ZZEF1: variants seen among roughly 807,000 people sequenced by gnomAD.
The protein encoded by ZZEF1 is zinc finger ZZ-type and EF-hand domain containing 1, also known as zinc finger ZZ-type and EF-hand domain-containing protein 1.
Under a neutral mutation model 342.8 loss-of-function variants are expected in ZZEF1, and 157 were observed. The ratio of observed to expected loss-of-function variants is 0.46; its 90% confidence interval spans 0.40 to 0.52. The LOEUF (loss-of-function observed/expected upper bound fraction) is 0.52. Among genes scored for constraint, ZZEF1 ranks in the 20% least tolerant of loss-of-function variants. ZZEF1 has a pLI of 0.00. For synonymous variants in ZZEF1, 1,505 were observed against 1,429.1 expected, an observed-to-expected ratio of 1.05 and a Z score of -1.20; for missense variants, 3,480 against 3,725.6, an observed-to-expected ratio of 0.93 and a Z score of 1.72.
At chr17:4,095,216 G>A (rs907035187) in intron 11 of ZZEF1, among the ~76,000 whole-genome samples, 20 of 152,064 alleles carry the variant, frequency 1.3e-4, no homozygotes, top group African/African-American at 4.8e-4. Context: ...TCCAGTGGCC[G>A]ATCAACTCCA....
In ZZEF1 at chr17:4,008,763, G is replaced by A; in HGVS notation, c.8805+120C>T. Reference sequence around the variant, plus strand: ...GTGACTGAACTGGAACAAGCTCTGTGTAAGCTCCGGGTGGATTCTGTCCTA... The same window carrying A: ...GTGACTGAACTGGAACAAGCTCTGTATAAGCTCCGGGTGGATTCTGTCCTA... On this transcript the variant is annotated intron_variant, in intron 54 of 54. Coordinates refer to ENST00000381638, the MANE Select transcript of ZZEF1 (RefSeq NM_015113.4). The surrounding 1 kb of genome is among the most constrained non-coding windows in gnomAD (Gnocchi z 4.2). 1.4e-6 allele frequency: 2 copies of A among 1,457,418 alleles called. No homozygotes were observed. The highest frequency in any genetic ancestry group is 2.8e-5 in the South Asian group (2 of 72,094). 90.3% of individuals were successfully genotyped at this position (1,457,418 alleles called of 1,614,324 possible).
chr17:4,060,606 A>G (rs1240301186), intron 30 of ZZEF1, among the ~76,000 whole-genome samples: 1 of 151,504 alleles, frequency 6.6e-6, no homozygotes, highest in Non-Finnish European at 1.5e-5. Flanking sequence ...AAAAACACTC[A>G]ACCCCCCACC....
chr17:4,083,661 G>A (rs888938117), intron 16 of ZZEF1, among the ~76,000 whole-genome samples: 7 of 146,080 alleles, frequency 4.8e-5, no homozygotes, highest in South Asian at 4.3e-4. Flanking sequence ...TTTTTGAGAC[G>A]GAATCTCGCT....
intron 44 of ZZEF1, 121 bp from the exon 45 acceptor site, chr17:4,021,441 G>A: frequency 7.3e-6 from 5 of 680,354 alleles, no homozygotes; most frequent in Non-Finnish European, 1.1e-5. Context: ...CCTGAAGAAT[G>A]TGAAATTAGA....
chr17:4,051,984 T>C lies in ZZEF1; in HGVS notation c.5587A>G (p.Lys1863Glu), dbSNP rs1187720087. The C allele has an allele frequency of 1.9e-6, 3 of 1,613,960 alleles. No individual in the cohort carries two copies. In the African/African-American group the frequency reaches 4.0e-5, roughly 22 times the overall value. The stretch of plus-strand genomic sequence containing the variant: ...CTTGAGACATACCCGTAGGAGTATT[T>C]CTTCGCTGCATAGCATCCGTAGCAA... Reference protein sequence around the residue: ...DLCYGCYAAKKYSYGHLPTHS... With the variant: ...DLCYGCYAAKEYSYGHLPTHS... Residue 1863 changes from lysine to glutamate, a missense_variant, in exon 35 of 55, where the codon AAA (lysine) becomes GAA (glutamate). Around this residue, in one of 5 missense-constraint regions of ZZEF1, gnomAD observed 175 missense variants for 254.6 expected, o/e 0.69. Transcript: ENST00000381638.
intron 39 of ZZEF1, among the ~76,000 whole-genome samples, chr17:4,037,057 C>T (rs569284569): frequency 1.6e-4 from 25 of 151,988 alleles, no homozygotes; most frequent in Admixed American, 5.2e-4. Context: ...CAGAAGTCAG[C>T]GGGAATGGGT....
At chr17:4,009,171 A>C (rs1201072435) in intron 53 of ZZEF1, 1 of 608,662 alleles carries the variant, frequency 1.6e-6, no homozygotes, top group Non-Finnish European at 2.9e-6. Context: ...CCCTTGGGTG[A>C]CCAGGCCGGG....
At position 4,014,147 on chromosome 17, in the gene ZZEF1, T is replaced by C; in HGVS notation, c.8356A>G (p.Thr2786Ala). The change falls in exon 51 of 55, where the codon ACC becomes GCC. Residue 2786 changes from threonine to alanine, a missense_variant. Thr to Ala is a moderately conservative substitution (Grantham distance 58). Around this residue, in one of 5 missense-constraint regions of ZZEF1, gnomAD observed 1,269 missense variants for 1,342.4 expected, o/e 0.95. Coordinates refer to ENST00000381638, the MANE Select transcript of ZZEF1 (RefSeq NM_015113.4). The surrounding 1 kb of genome is among the most constrained non-coding windows in gnomAD (Gnocchi z 4.4). Reference sequence around the variant, plus strand: ...ACGGTGAATCTGTAGCCCCACTCGGTGTTGCTCATGTCGGAGGTGAAGCGG... The same window carrying C: ...ACGGTGAATCTGTAGCCCCACTCGGCGTTGCTCATGTCGGAGGTGAAGCGG... ...YYRFTSDMSN[T>A]EWGYRFTVTA... is the part of the protein sequence containing the mutation. 6.2e-7 allele frequency: 1 copy of C among 1,614,132 alleles called. No individual in the cohort carries two copies. The highest frequency in any genetic ancestry group is 8.5e-7 in the Non-Finnish European group (1 of 1,180,020).
intron 24 of ZZEF1, among the ~76,000 whole-genome samples, chr17:4,073,538 T>A (rs1338559631): frequency 6.6e-6 from 1 of 152,196 alleles, no homozygotes; most frequent in African/African-American, 2.4e-5. Flanking sequence ...TGGGCTCAAG[T>A]GATCCTCCTG....
chr17:4,083,444 AT>A lies in ZZEF1; in HGVS notation c.2647-941del, dbSNP rs543302096. On this transcript the variant is annotated intron_variant, in intron 16 of 54. Transcript: ENST00000381638. Reference sequence around the variant, plus strand: ...GTGAGAAGTGATTCCTCAGGCTGATATGCAAATTTTATATATAGCTGGAATT... The same window carrying A: ...GTGAGAAGTGATTCCTCAGGCTGATAGCAAATTTTATATATAGCTGGAATT... Among the ~76,000 whole-genome samples, 126 of 152,302 alleles carry A rather than the reference AT, an allele frequency of 8.3e-4. 1 individual carries two copies. The highest frequency in any genetic ancestry group is 2.9e-3 in the African/African-American group (120 of 41,554).
intron 2 of ZZEF1, among the ~76,000 whole-genome samples, chr17:4,117,648 C>CAAAAAAAAAAAA (rs61155656): frequency 1.2e-4 from 11 of 89,000 alleles, no homozygotes; most frequent in African/African-American, 2.9e-4. Context: ...AACTCCACCT[C>CAAAAAAAAAAAA]AAAAAAAAAA....
intron 26 of ZZEF1, among the ~76,000 whole-genome samples, chr17:4,069,066 G>A (rs1412662195): frequency 2.0e-5 from 3 of 152,108 alleles, no homozygotes; most frequent in East Asian, 1.9e-4. Context: ...AAGACATTCC[G>A]AGTTCCCACA....
At chr17:4,128,943 GT>G (rs2058621214) in intron 1 of ZZEF1, among the ~76,000 whole-genome samples, 3 of 149,920 alleles carry the variant, frequency 2.0e-5, no homozygotes, top group Non-Finnish European at 4.4e-5. Context: ...TAATTTTTGC[GT>G]TTTTAGTAGA....
At chr17:4,045,398 T>TG (rs1380839987) in intron 37 of ZZEF1, among the ~76,000 whole-genome samples, 1 of 152,248 alleles carries the variant, frequency 6.6e-6, no homozygotes, top group Non-Finnish European at 1.5e-5. Flanking sequence ...TAGTACACTC[T>TG]GGTGACTATC....
At chr17:4,080,872 G>A (rs528811852) in intron 18 of ZZEF1, among the ~76,000 whole-genome samples, 13 of 152,256 alleles carry the variant, frequency 8.5e-5, no homozygotes, top group East Asian at 1.9e-4. Flanking sequence ...ACCAAGAACC[G>A]TAACATGCCC....
chr17:4,013,610 G>T lies in ZZEF1; in HGVS notation c.8418C>A (p.Phe2806Leu). 6 of 1,611,446 alleles carry T rather than the reference G, an allele frequency of 3.7e-6. No homozygotes were observed. Among genetic ancestry groups the T allele is most frequent in the Non-Finnish European group, 5.1e-6 (6 of 1,178,420 alleles). Reference sequence around the variant, plus strand: ...CTGACAACATCTGCTTCAAAATCTCGAATCCTGGCCAACACCCCAAAACAC... The same window carrying T: ...CTGACAACATCTGCTTCAAAATCTCTAATCCTGGCCAACACCCCAAAACAC... ...AGHLGRFQTGFEILKQMLSEE... is the reference protein window; with the variant it reads ...AGHLGRFQTGLEILKQMLSEE... Residue 2806 changes from phenylalanine to leucine, a missense_variant, in exon 52 of 55, where the codon TTC becomes TTA. Transcript: ENST00000381638.
chr17:4,102,791 A>G lies in ZZEF1; in HGVS notation c.1574-376T>C, dbSNP rs914967147. 2.6e-5 allele frequency among the ~76,000 whole-genome samples: 4 copies of G among 152,190 alleles called. 1 individual carries two copies. The highest frequency in any genetic ancestry group is 1.3e-4 in the Admixed American group (2 of 15,284). ...TATTACAATTGCATTTAAATATAAA[A>G]TATTTTAGGTCTCGTTTCTTTAAAT... On this transcript the variant is annotated intron_variant, in intron 8 of 54. Coordinates refer to ENST00000381638, the MANE Select transcript of ZZEF1 (RefSeq NM_015113.4).
intron 42 of ZZEF1, among the ~76,000 whole-genome samples, chr17:4,028,213 A>G (rs1483281730): frequency 1.3e-5 from 2 of 152,182 alleles, no homozygotes; most frequent in Non-Finnish European, 2.9e-5. Flanking sequence ...TTACTTCTAT[A>G]TGACATAAAT....
At chr17:4,082,322 TA>T in intron 17 of ZZEF1, 114 bp downstream of exon 17, 1 of 972,466 alleles carries the variant, frequency 1.0e-6, no homozygotes, top group South Asian at 1.5e-5. Flanking sequence ...CTCGGCTTTC[TA>T]ACTGAGTGGC....
Sources: allele counts gnomAD v4.1 joint callset (sites outside exome capture counted in the v4.1 genomes callset), GRCh38; gene constraint gnomAD v4.1.1; regional missense constraint gnomAD v4.1.1; non-coding constraint Gnocchi (gnomAD v3.1); transcripts MANE v1.5; gene names NCBI Gene and HGNC (gene_info 2026-07-23, HGNC 2026-07-21).